GALNT18: variants seen among roughly 807,000 people sequenced by gnomAD.
GALNT18 encodes the protein polypeptide N-acetylgalactosaminyltransferase 18.
A neutral mutation model predicts 69.5 loss-of-function variants in GALNT18; 44 were observed. That is an observed-to-expected ratio of 0.63 (90% CI 0.50 to 0.81). The LOEUF is 0.81. Among genes scored for constraint, GALNT18 ranks in the 40% least tolerant of loss-of-function variants. GALNT18 has a pLI of 0.00. For synonymous variants in GALNT18, 364 were observed against 318.2 expected (o/e 1.14, Z -1.53); for missense variants, 715 against 810.0 (o/e 0.88, Z 1.42).
intron 1 of GALNT18, among the ~76,000 whole-genome samples, chr11:11,483,144 C>T (rs1007246357): frequency 2.7e-5 from 4 of 149,594 alleles, no homozygotes; most frequent in East Asian, 2.0e-4. Flanking sequence ...ATGCCCACTG[C>T]TGTGCCTAAG....
rs1012107863 is a variant in GALNT18, at chr11:11,508,718, C to A, written c.236-59782G>T. Among the ~76,000 whole-genome samples the A allele has an allele frequency of 5.3e-5, 8 of 152,316 alleles. No individual in the cohort carries two copies. The South Asian group carries it at 6.2e-4, about 12-fold the overall frequency. The stretch of plus-strand genomic sequence containing the variant: ...TTGGCACTGGTTAATGATAATGAAG[C>A]CTTTGGCACTTTTTTCCTATAGATG... On this transcript the variant is annotated intron_variant, in intron 1 of 10. Transcript: ENST00000227756.
rs982176917 is a variant in GALNT18, at chr11:11,315,078, G to A, written c.1512+12008C>T. On this transcript the variant is annotated intron_variant, in intron 9 of 10. Transcript: ENST00000227756. This position sits in a 1 kb window ranked among gnomAD's most constrained non-coding sequence, Gnocchi z 5.6. ...TGTGTGTGTGTATGTGTGTATATATGTGTACATACAGAAGTAAATGCATAA... is the reference window on the plus strand; with the variant it reads ...TGTGTGTGTGTATGTGTGTATATATATGTACATACAGAAGTAAATGCATAA... Among the ~76,000 whole-genome samples the A allele has an allele frequency of 2.0e-5, 3 of 151,824 alleles. No homozygotes were observed. The highest frequency in any genetic ancestry group is 7.3e-5 in the African/African-American group (3 of 41,304).
rs536176231 is a variant in GALNT18, at chr11:11,470,812, T to A, written c.236-21876A>T. Among the ~76,000 whole-genome samples, 5 of 152,130 alleles carry A rather than the reference T, an allele frequency of 3.3e-5. No homozygotes were observed. Among genetic ancestry groups the A allele is most frequent in the Non-Finnish European group, 7.4e-5 (5 of 68,016 alleles). ...CCAGGAAGTCAGGTACCATGGTGTC[T>A]CCATGCTGCATTCTTAGCCTCTGAC... On this transcript the variant is annotated intron_variant, in intron 1 of 10. Coordinates refer to ENST00000227756, the MANE Select transcript of GALNT18 (RefSeq NM_198516.3). This position sits in a 1 kb window ranked among gnomAD's most constrained non-coding sequence, Gnocchi z 4.8.
intron 1 of GALNT18, among the ~76,000 whole-genome samples, chr11:11,530,552 G>T (rs1022754063): frequency 1.3e-5 from 2 of 152,174 alleles, no homozygotes; most frequent in Admixed American, 1.3e-4. Flanking sequence ...CCAAACAGGC[G>T]TGCCATAGGC....
At chr11:11,484,593 C>CAAAAAAAAAAAAAAAAAAAAAAAAA (rs1159968814) in intron 1 of GALNT18, among the ~76,000 whole-genome samples, 1 of 83,066 alleles carries the variant, frequency 1.2e-5, no homozygotes, top group Non-Finnish European at 2.2e-5. Context: ...AACTCCATCT[C>CAAAAAAAAAAAAAAAAAAAAAAAAA]AAAAAAAAAA....
chr11:11,374,842 CCT>C (rs772954058), intron 5 of GALNT18, among the ~76,000 whole-genome samples: 1 of 152,176 alleles, frequency 6.6e-6, no homozygotes, highest in Non-Finnish European at 1.5e-5. Flanking sequence ...GAACCAAGGT[CCT>C]CTCTCAATTG....
intron 1 of GALNT18, among the ~76,000 whole-genome samples, chr11:11,608,317 T>TC (rs1289126156): frequency 6.6e-6 from 1 of 152,176 alleles, no homozygotes; most frequent in African/African-American, 2.4e-5. Flanking sequence ...CCCCGGTAGC[T>TC]CCTACCTGAT....
chr11:11,418,345 TA>T (rs939839470), intron 3 of GALNT18, among the ~76,000 whole-genome samples: 3 of 152,232 alleles, frequency 2.0e-5, no homozygotes, highest in Non-Finnish European at 2.9e-5. Context: ...AAGCCATGTG[TA>T]AATATGCCTG....
chr11:11,293,047 A>G lies in GALNT18; in HGVS notation c.1659T>C (p.Leu553=). The G allele has an allele frequency of 1.4e-6, 2 of 1,385,344 alleles. No homozygotes were observed. The highest frequency in any genetic ancestry group is 9.4e-7 in the Non-Finnish European group (1 of 1,060,688). The allele number at this position is 1,385,344 out of a possible 1,614,324, so 85.8% of individuals were successfully genotyped here. The change falls in exon 10 of 11, where the codon CTT becomes CTC. Residue 553 remains leucine, a synonymous_variant. Transcript: ENST00000227756. ...CTGTTACCTGAGAGAACTGCCAGTG[A>G]AGCTTCATCCTCTTGGCTTTGGCGT... ...CSYAKAKRMK[L]HWQFSQGGPI...
rs565607571 is a variant in GALNT18 at position 11,309,524 on chromosome 11, A to T, written c.1513-16331T>A. On this transcript the variant is annotated intron_variant, in intron 9 of 10. Transcript: ENST00000227756. This position sits in a 1 kb window ranked among gnomAD's most constrained non-coding sequence, Gnocchi z 4.6. The stretch of plus-strand genomic sequence containing the variant: ...AGCAGCTTCAATTTTTAAATTCCTT[A>T]CTTTTTCTGCCTTTTACACCCTGTA... Among the ~76,000 whole-genome samples the T allele has an allele frequency of 6.6e-6, 1 of 152,096 alleles. No individual in the cohort carries two copies. The highest frequency in any genetic ancestry group is 2.4e-5 in the African/African-American group (1 of 41,466).
chr11:11,410,066 C>T (rs373605091), intron 3 of GALNT18, among the ~76,000 whole-genome samples: 9 of 152,248 alleles, frequency 5.9e-5, no homozygotes, highest in East Asian at 1.9e-4. Flanking sequence ...TCTCTCTGGA[C>T]GGGGCTCCCT....
chr11:11,440,802 A>G (rs888500520), intron 2 of GALNT18, among the ~76,000 whole-genome samples: 4 of 152,236 alleles, frequency 2.6e-5, no homozygotes, highest in African/African-American at 9.6e-5. Flanking sequence ...GTTAAATAGC[A>G]GTTCCTATGT....
intron 10 of GALNT18, among the ~76,000 whole-genome samples, chr11:11,280,234 C>T (rs184269038): frequency 6.6e-6 from 1 of 152,188 alleles, no homozygotes; most frequent in Admixed American, 6.5e-5. Context: ...TGCTGGGGCC[C>T]ACTGTTTGCC....
chr11:11,487,310 T>C (rs1490127002), intron 1 of GALNT18, among the ~76,000 whole-genome samples: 2 of 152,174 alleles, frequency 1.3e-5, no homozygotes, highest in African/African-American at 2.4e-5. Context: ...TTGGGTTCAG[T>C]ATATCCTGCT....
Position 11,349,437 on chromosome 11 carries a change from T to C in GALNT18, c.1093-8433A>G, listed in dbSNP as rs140233778. Among the ~76,000 whole-genome samples the C allele has an allele frequency of 5.4e-3, 818 of 152,354 alleles. 11 individuals carry two copies. Among genetic ancestry groups the C allele is most frequent in the African/African-American group, 0.018 (763 of 41,574 alleles). On this transcript the variant is annotated intron_variant, in intron 6 of 10. Coordinates refer to ENST00000227756, the MANE Select transcript of GALNT18 (RefSeq NM_198516.3). The stretch of plus-strand genomic sequence containing the variant: ...CATGGATGAGGCTCATATTGCTTCC[T>C]ATCCTTGCCAACATTTGACATTGTC...
At chr11:11,425,263 T>A (rs1855101374) in intron 3 of GALNT18, among the ~76,000 whole-genome samples, 1 of 152,164 alleles carries the variant, frequency 6.6e-6, no homozygotes, top group African/African-American at 2.4e-5. Context: ...ACCGGGTCCG[T>A]GAGCAAAGGA....
In GALNT18 at chr11:11,404,631, C is replaced by G. The variant is rs561939889; in HGVS notation, c.596-25367G>C. ...CCCCACCCTGCGTTCTGGAATTCCT[C>G]TCAAGCTTTACTGCCCGCAGCCATA... On this transcript the variant is annotated intron_variant, in intron 3 of 10. Coordinates refer to ENST00000227756, the MANE Select transcript of GALNT18 (RefSeq NM_198516.3). This position sits in a 1 kb window ranked among gnomAD's most constrained non-coding sequence, Gnocchi z 4.5. 7.1e-4 allele frequency among the ~76,000 whole-genome samples: 108 copies of G among 152,296 alleles called. No homozygotes were observed. The highest frequency in any genetic ancestry group is 1.3e-3 in the Non-Finnish European group (89 of 68,032).
chr11:11,522,500 T>A (rs1857422826), intron 1 of GALNT18, among the ~76,000 whole-genome samples: 1 of 152,128 alleles, frequency 6.6e-6, no homozygotes, highest in Non-Finnish European at 1.5e-5. Context: ...TGAAGAATCA[T>A]GCCCACAGAA....
chr11:11,275,641 T>C (rs1264289216), intron 10 of GALNT18, among the ~76,000 whole-genome samples: 1 of 152,252 alleles, frequency 6.6e-6, no homozygotes, highest in African/African-American at 2.4e-5. Flanking sequence ...GCCCAGGTTT[T>C]CTTCTAGGAT....
Sources: gnomAD v4.1 joint callset for allele counts (sites outside exome capture counted in the v4.1 genomes callset) on GRCh38, gnomAD v4.1.1 for gene constraint, Gnocchi (gnomAD v3.1) non-coding constraint, MANE v1.5 for transcripts, NCBI Gene and HGNC (gene_info 2026-07-23, HGNC 2026-07-21) for gene names.